The following STK32A variants were observed in gnomAD, a reference collection of about 807,000 sequenced individuals.
The protein encoded by STK32A is serine/threonine-protein kinase 32A.
In STK32A, 41 loss-of-function variants were observed where a neutral mutation model predicts 53.2. The ratio of observed to expected loss-of-function variants is 0.77; its 90% confidence interval spans 0.60 to 1.00. The LOEUF (loss-of-function observed/expected upper bound fraction) is 1.00, where lower values mean the gene tolerates loss of function less well. Ranked by LOEUF, STK32A falls within the 50% of genes least tolerant of loss-of-function variation. The pLI is 0.00. For synonymous variants in STK32A, 166 were observed against 162.8 expected (o/e 1.02, Z -0.15); for missense variants, 458 against 485.8 (o/e 0.94, Z 0.54).
At chr5:147,337,121 A>G (rs191631843) in intron 5 of STK32A, among the ~76,000 whole-genome samples, 1 of 152,294 alleles carries the variant, frequency 6.6e-6, no homozygotes, top group Non-Finnish European at 1.5e-5. Context: ...AGATACATCA[A>G]TTCTTCCTTG....
chr5:147,296,936 A>G (rs1439121810), intron 4 of STK32A, among the ~76,000 whole-genome samples: 1 of 152,194 alleles, frequency 6.6e-6, no homozygotes, highest in Non-Finnish European at 1.5e-5. Flanking sequence ...CAGGGCAAAG[A>G]AAGCCTTCTC....
chr5:147,372,653 A>G (rs1056592689), intron 9 of STK32A, among the ~76,000 whole-genome samples: 1 of 152,132 alleles, frequency 6.6e-6, no homozygotes, highest in Non-Finnish European at 1.5e-5. Context: ...AGTAAAATCT[A>G]GAACTATAAC....
At chr5:147,389,232 T>G (rs563165197), downstream of STK32A, among the ~76,000 whole-genome samples, 12 of 152,296 alleles carry the variant, frequency 7.9e-5, no homozygotes, top group East Asian at 1.9e-3. Flanking sequence ...AACTTCCACA[T>G]CACCAGGCAA....
At chr5:147,365,607 G>T (rs1388045299) in intron 8 of STK32A, among the ~76,000 whole-genome samples, 1 of 151,788 alleles carries the variant, frequency 6.6e-6, no homozygotes, top group African/African-American at 2.4e-5. Flanking sequence ...AAACATATCT[G>T]CTCTTTCCCA....
the STK32A span, chr5:147,393,671 T>A: frequency 4.7e-6 from 1 of 214,254 alleles, no homozygotes; most frequent in South Asian, 8.2e-5. Context: ...ATAACCTGCG[T>A]CCCTTTTGTT....
chr5:147,345,345 A>G (rs1561736120), intron 6 of STK32A, among the ~76,000 whole-genome samples: 5 of 152,224 alleles, frequency 3.3e-5, no homozygotes, highest in Admixed American at 1.3e-4. Context: ...GACTGTCACA[A>G]AGAAATCACT....
intron 5 of STK32A, among the ~76,000 whole-genome samples, chr5:147,325,262 A>T (rs1754520210): frequency 6.6e-6 from 1 of 152,090 alleles, no homozygotes; most frequent in African/African-American, 2.4e-5. Flanking sequence ...GCTAGATAAA[A>T]TATTTGACCA....
intron 7 of STK32A, among the ~76,000 whole-genome samples, chr5:147,358,947 A>G (rs17106540): frequency 0.045 from 6,782 of 152,272 alleles, 493 homozygotes; most frequent in African/African-American, 0.16. Context: ...TAGGGTTATG[A>G]ACAGAACAGG....
At chr5:147,241,267 A>G in intron 2 of STK32A, among the ~76,000 whole-genome samples, 1 of 152,190 alleles carries the variant, frequency 6.6e-6, no homozygotes. Context: ...TCACGAGGTC[A>G]GGAGATCGAG....
At chr5:147,357,536 C>A (rs934940741) in intron 7 of STK32A, among the ~76,000 whole-genome samples, 2 of 151,890 alleles carry the variant, frequency 1.3e-5, no homozygotes, top group African/African-American at 4.8e-5. Context: ...TTGTACATTT[C>A]ATTACAAATA....
rs1753260477 is a variant in STK32A, at chr5:147,303,793, T to C, written c.261-20105T>C. Among the ~76,000 whole-genome samples, 3 of 152,184 alleles carry C rather than the reference T, an allele frequency of 2.0e-5. No homozygotes were observed. The South Asian group carries it at 6.2e-4, about 32-fold the overall frequency. The stretch of plus-strand genomic sequence containing the variant: ...AAGAAGTTGTTTTGGCATATGACCC[T>C]GATGAACTTGCAAAAGTAGAGAAGA... On this transcript the variant is annotated intron_variant, in intron 4 of 12. Coordinates refer to ENST00000397936, the MANE Select transcript of STK32A (RefSeq NM_001112724.2).
intron 2 of STK32A, among the ~76,000 whole-genome samples, chr5:147,268,660 C>T (rs1409797475): frequency 6.6e-6 from 1 of 152,120 alleles, no homozygotes; most frequent in Non-Finnish European, 1.5e-5. Context: ...GTTCCATTCT[C>T]ATGTTCTGGA....
chr5:147,338,141 T>G (rs1268406073), intron 5 of STK32A, among the ~76,000 whole-genome samples: 3 of 152,184 alleles, frequency 2.0e-5, no homozygotes, highest in Non-Finnish European at 4.4e-5. Flanking sequence ...CATCTTGAAT[T>G]GTAGTTCCCA....
chr5:147,243,573 C>G (rs1753663686), intron 2 of STK32A, among the ~76,000 whole-genome samples: 1 of 123,424 alleles, frequency 8.1e-6, no homozygotes, highest in Non-Finnish European at 1.8e-5. Context: ...CCCATCTCTA[C>G]TAAAAAATAC....
At chr5:147,282,342 T>G (rs78721247) in intron 4 of STK32A, among the ~76,000 whole-genome samples, 1 of 152,282 alleles carries the variant, frequency 6.6e-6, no homozygotes, top group South Asian at 2.1e-4. Context: ...AAGGTCTGTT[T>G]GTGGGAGAAC....
chr5:147,254,182 C>A (rs1401616876), intron 2 of STK32A, among the ~76,000 whole-genome samples: 1 of 152,164 alleles, frequency 6.6e-6, no homozygotes, highest in Non-Finnish European at 1.5e-5. Context: ...TCTGCAACAA[C>A]CCCATTCTCA....
At chr5:147,235,511 G>C (rs1753274519) in intron 1 of STK32A, among the ~76,000 whole-genome samples, 1 of 152,200 alleles carries the variant, frequency 6.6e-6, no homozygotes, top group African/African-American at 2.4e-5. Flanking sequence ...TTTGATGATT[G>C]CTTCATCTCC....
chr5:147,303,675 T>G (rs1171321452), intron 4 of STK32A, among the ~76,000 whole-genome samples: 2 of 152,082 alleles, frequency 1.3e-5, no homozygotes, highest in African/African-American at 4.8e-5. Flanking sequence ...GTCCACAAAA[T>G]GATCAAGGAA....
chr5:147,379,452 G>A (rs1273485251), intron 11 of STK32A, among the ~76,000 whole-genome samples: 2 of 152,012 alleles, frequency 1.3e-5, no homozygotes, highest in African/African-American at 4.8e-5. Context: ...TGTGTACCAA[G>A]TTCATAGGCT....
Sources: allele counts gnomAD v4.1 joint callset (sites outside exome capture counted in the v4.1 genomes callset), GRCh38; gene constraint gnomAD v4.1.1; transcripts MANE v1.5; gene names NCBI Gene and HGNC (gene_info 2026-07-23, HGNC 2026-07-21).